Variants in IQCH observed in about 807,000 individuals in gnomAD.
IQCH encodes the protein IQ domain-containing protein H.
A neutral mutation model predicts 117.0 loss-of-function variants in IQCH; 98 were observed. That is an observed-to-expected ratio of 0.84 (90% CI 0.71 to 0.99). The LOEUF is 0.99. IQCH is among the 50% of genes least tolerant of loss of function. The pLI is 0.00. For synonymous variants in IQCH, 412 were observed against 448.2 expected (o/e 0.92, Z 1.02); for missense variants, 1,102 against 1,243.8 (o/e 0.89, Z 1.72).
chr15:67,377,858 CA>C (rs1970791558), intron 10 of IQCH, among the ~76,000 whole-genome samples: 1 of 151,924 alleles, frequency 6.6e-6, no homozygotes, highest in Non-Finnish European at 1.5e-5. Context: ...GTATATAGTT[CA>C]GTTCCATATT....
intron 10 of IQCH, among the ~76,000 whole-genome samples, chr15:67,379,428 A>G (rs1305110961): frequency 2.6e-5 from 4 of 152,206 alleles, no homozygotes; most frequent in African/African-American, 7.2e-5. Context: ...GGCAAAGAAC[A>G]TCTTAGTATA....
At chr15:67,498,461 A>G (rs948410661) in intron 20 of IQCH, among the ~76,000 whole-genome samples, 5 of 151,976 alleles carry the variant, frequency 3.3e-5, no homozygotes, top group African/African-American at 1.2e-4. Context: ...TACTAAAAAT[A>G]TAAAAATTAC....
At chr15:67,286,612 TTATG>T (rs202109588) in intron 4 of IQCH, among the ~76,000 whole-genome samples, 25,277 of 79,012 alleles carry the variant, frequency 0.32, 2,737 homozygotes, top group East Asian at 0.54. Context: ...ATTTATTTAT[TTATG>T]TATTTATTTA....
intron 13 of IQCH, among the ~76,000 whole-genome samples, chr15:67,396,182 A>G (rs931754428): frequency 5.3e-5 from 8 of 152,194 alleles, no homozygotes; most frequent in Non-Finnish European, 7.3e-5. Context: ...GATCCTAAGA[A>G]ATAGGAGAGT....
At chr15:67,488,789 C>G (rs976483018) in intron 18 of IQCH, among the ~76,000 whole-genome samples, 5 of 152,140 alleles carry the variant, frequency 3.3e-5, no homozygotes, top group Non-Finnish European at 7.3e-5. Flanking sequence ...AGGTTTCCCG[C>G]TCCTAGGAGA....
rs562694097 is a variant in IQCH at position 67,427,047 on chromosome 15, G to A, written c.2505+5470G>A. On this transcript the variant is annotated intron_variant, in intron 16 of 20. Coordinates refer to ENST00000335894, the MANE Select transcript of IQCH (RefSeq NM_001031715.3). The surrounding 1 kb of genome is among the most constrained non-coding windows in gnomAD (Gnocchi z 4.7). Reference sequence around the variant, plus strand: ...ATCAAGATAGTCTAGAGCAGGAGTTGGTAAACAATGGCCTACAGGCTAAAT... The same window carrying A: ...ATCAAGATAGTCTAGAGCAGGAGTTAGTAAACAATGGCCTACAGGCTAAAT... Among the ~76,000 whole-genome samples, 1 of 151,648 alleles carries A rather than the reference G, an allele frequency of 6.6e-6. No homozygotes were observed. The highest frequency in any genetic ancestry group is 2.1e-4 in the South Asian group (1 of 4,794).
In IQCH at chr15:67,254,799, T is replaced by C; in HGVS notation, c.-98T>C. On this transcript the variant is annotated 5_prime_UTR_variant, in exon 1 of 21. Transcript: ENST00000335894. ...CGCTCCCAGCGTGGAACAGGCCAGG[T>C]CGCGCGCGGTGTTGCCATGGGGACG... 1 of 1,394,524 alleles carries C rather than the reference T, an allele frequency of 7.2e-7. No individual in the cohort carries two copies. Among genetic ancestry groups the C allele is most frequent in the Non-Finnish European group, 1.0e-6 (1 of 1,001,502 alleles). The allele number at this position is 1,394,524 out of a possible 1,614,324, so 86.4% of individuals were successfully genotyped here.
intron 15 of IQCH, among the ~76,000 whole-genome samples, chr15:67,419,280 T>A (rs1029838861): frequency 2.0e-5 from 3 of 152,172 alleles, no homozygotes; most frequent in African/African-American, 7.2e-5. Flanking sequence ...TTAGTACATT[T>A]AAAAAACCTG....
At chr15:67,337,161 G>T in intron 5 of IQCH, 66 bp downstream of exon 5, 3 of 1,571,034 alleles carry the variant, frequency 1.9e-6, no homozygotes, top group East Asian at 4.5e-5. Context: ...AGGTAGGATC[G>T]GAGGCCTGAA....
At chr15:67,274,185 T>A (rs548064137) in intron 3 of IQCH, among the ~76,000 whole-genome samples, 6 of 152,342 alleles carry the variant, frequency 3.9e-5, no homozygotes, top group Admixed American at 3.3e-4. Context: ...CTGCCCTTCC[T>A]GTACCTGGAT....
intron 6 of IQCH, among the ~76,000 whole-genome samples, chr15:67,348,355 T>TCACACACA (rs56134528): frequency 2.2e-4 from 33 of 147,780 alleles, no homozygotes; most frequent in Middle Eastern, 7.0e-3. Flanking sequence ...TCGCAAGCCA[T>TCACACACA]CACACACACA....
intron 3 of IQCH, among the ~76,000 whole-genome samples, chr15:67,275,742 T>C (rs897988181): frequency 6.6e-6 from 1 of 152,068 alleles, no homozygotes; most frequent in Non-Finnish European, 1.5e-5. Flanking sequence ...TTGCTGAGTG[T>C]GGTGGCATGT....
intron 8 of IQCH, among the ~76,000 whole-genome samples, chr15:67,361,161 G>T (rs1446188814): frequency 6.6e-6 from 1 of 152,216 alleles, no homozygotes. Context: ...AAGCTCCGGA[G>T]TTTGTGCTCT....
At chr15:67,330,596 A>G (rs1390702215) in intron 4 of IQCH, among the ~76,000 whole-genome samples, 1 of 152,194 alleles carries the variant, frequency 6.6e-6, no homozygotes, top group Non-Finnish European at 1.5e-5. Flanking sequence ...GACATAGGGT[A>G]GAGCCGGTGA....
intron 4 of IQCH, among the ~76,000 whole-genome samples, chr15:67,322,089 A>G (rs1163706340): frequency 1.3e-5 from 2 of 151,992 alleles, no homozygotes; most frequent in Non-Finnish European, 2.9e-5. Context: ...AGATTTGTCT[A>G]TTTTTTCCTT....
chr15:67,352,676 G>A (rs1265742393), intron 6 of IQCH, among the ~76,000 whole-genome samples: 1 of 151,864 alleles, frequency 6.6e-6, no homozygotes, highest in Non-Finnish European at 1.5e-5. Flanking sequence ...TAAAATTGTG[G>A]ATGAAAACAA....
chr15:67,430,973 G>A lies in IQCH; in HGVS notation c.2505+9396G>A. ...TTTTTCTACATGCATTCAGACAAGAGAAAGATCCCTTCTGTTGGGAGCAAT... is the reference window on the plus strand; with the variant it reads ...TTTTTCTACATGCATTCAGACAAGAAAAAGATCCCTTCTGTTGGGAGCAAT... On this transcript the variant is annotated intron_variant, in intron 16 of 20. Transcript: ENST00000335894. This position sits in a 1 kb window ranked among gnomAD's most constrained non-coding sequence, Gnocchi z 5.1. 6.6e-6 allele frequency among the ~76,000 whole-genome samples: 1 copy of A among 152,208 alleles called. No individual in the cohort carries two copies. Among genetic ancestry groups the A allele is most frequent in the East Asian group, 1.9e-4 (1 of 5,196 alleles).
At position 67,467,760 on chromosome 15, in the gene IQCH, G is replaced by A. The variant is rs979442343; in HGVS notation, c.2676+2463G>A. Among the ~76,000 whole-genome samples, 6 of 152,196 alleles carry A rather than the reference G, an allele frequency of 3.9e-5. No individual in the cohort carries two copies. The highest frequency in any genetic ancestry group is 1.2e-4 in the African/African-American group (5 of 41,446). On this transcript the variant is annotated intron_variant, in intron 17 of 20. Transcript: ENST00000335894. This position sits in a 1 kb window ranked among gnomAD's most constrained non-coding sequence, Gnocchi z 5.7. The stretch of plus-strand genomic sequence containing the variant: ...ATGATGCCGTCAAGTTTATGATCAG[G>A]CAGTTGACAGCCCCCTTTGAAGACT...
At chr15:67,353,339 A>AT (rs1279427498) in intron 6 of IQCH, among the ~76,000 whole-genome samples, 1 of 141,296 alleles carries the variant, frequency 7.1e-6, no homozygotes, top group Non-Finnish European at 1.5e-5. Flanking sequence ...TGGCTTCTTT[A>AT]TTTTTTTATT....
Sources: gnomAD v4.1 joint callset for allele counts (sites outside exome capture counted in the v4.1 genomes callset) on GRCh38, gnomAD v4.1.1 for gene constraint, Gnocchi (gnomAD v3.1) non-coding constraint, MANE v1.5 for transcripts, NCBI Gene and HGNC (gene_info 2026-07-23, HGNC 2026-07-21) for gene names.